Variants in RIC8B observed in about 807,000 individuals in gnomAD.
The protein encoded by RIC8B is chaperone Ric-8B.
A neutral mutation model predicts 57.5 loss-of-function variants in RIC8B; 16 were observed. That is an observed-to-expected ratio of 0.28 (90% CI 0.19 to 0.42). The LOEUF (loss-of-function observed/expected upper bound fraction) is 0.42. RIC8B is among the 10% of genes least tolerant of loss of function. The pLI is 1.00. For synonymous variants in RIC8B, 216 were observed against 250.8 expected (o/e 0.86, Z 1.31); for missense variants, 481 against 677.0 (o/e 0.71, Z 3.21).
At chr12:106,861,504 A>C (rs989401699) in intron 8 of RIC8B, among the ~76,000 whole-genome samples, 3 of 151,954 alleles carry the variant, frequency 2.0e-5, no homozygotes, top group Admixed American at 2.0e-4. Context: ...CAGCCTTAGT[A>C]GGATCTTATA....
At chr12:106,865,790 C>T (rs1303076781) in intron 8 of RIC8B, among the ~76,000 whole-genome samples, 1 of 152,102 alleles carries the variant, frequency 6.6e-6, no homozygotes, top group Admixed American at 6.5e-5. Context: ...ACTGTTCAGA[C>T]GTCCTCGCAG....
chr12:106,855,832 A>G (rs113992083), intron 7 of RIC8B, among the ~76,000 whole-genome samples: 2,604 of 151,980 alleles, frequency 0.017, 80 homozygotes, highest in African/African-American at 0.059. Flanking sequence ...TTTAGCCCCA[A>G]CCTTTCTTCT....
Position 106,871,779 on chromosome 12 carries a change from T to C in RIC8B, c.1571+837T>C, listed in dbSNP as rs962670269. Among the ~76,000 whole-genome samples, 5 of 152,126 alleles carry C rather than the reference T, an allele frequency of 3.3e-5. No individual in the cohort carries two copies. The South Asian group carries it at 6.2e-4, about 19-fold the overall frequency. On this transcript the variant is annotated intron_variant, in intron 9 of 9. Coordinates refer to ENST00000392837, the MANE Select transcript of RIC8B (RefSeq NM_001330145.2). ...TGGCCATCCCCTTTTTCACAGTAAC[T>C]GTGTAAAGGCTAGTATCCCTCAGTC...
At chr12:106,819,813 CTTATATA>C (rs1377507855) in intron 3 of RIC8B, among the ~76,000 whole-genome samples, 2 of 147,156 alleles carry the variant, frequency 1.4e-5, no homozygotes, top group East Asian at 2.0e-4. Flanking sequence ...ATATAAAATA[CTTATATA>C]TTATATACTT....
intron 6 of RIC8B, among the ~76,000 whole-genome samples, chr12:106,846,762 A>AT (rs1949209999): frequency 6.6e-6 from 1 of 151,906 alleles, no homozygotes; most frequent in African/African-American, 2.4e-5. Context: ...ATACTTCTTA[A>AT]TATGAAGGCC....
At chr12:106,844,485 A>C (rs1486199785) in intron 6 of RIC8B, among the ~76,000 whole-genome samples, 1 of 152,230 alleles carries the variant, frequency 6.6e-6, no homozygotes, top group Non-Finnish European at 1.5e-5. Context: ...ACTAGGCCAC[A>C]ATATGCAAGG....
At chr12:106,849,684 A>G (rs911860472) in intron 6 of RIC8B, among the ~76,000 whole-genome samples, 2 of 152,108 alleles carry the variant, frequency 1.3e-5, no homozygotes, top group African/African-American at 2.4e-5. Flanking sequence ...GGACACTTTA[A>G]TATGCTCTGT....
chr12:106,843,057 A>G (rs1320524941), intron 5 of RIC8B, among the ~76,000 whole-genome samples: 3 of 152,204 alleles, frequency 2.0e-5, no homozygotes, highest in South Asian at 2.1e-4. Flanking sequence ...CAAAATTATG[A>G]CTAGTGCTTG....
chr12:106,837,013 C>T (rs2046630845), intron 4 of RIC8B, among the ~76,000 whole-genome samples: 1 of 152,184 alleles, frequency 6.6e-6, no homozygotes, highest in Admixed American at 6.5e-5. Flanking sequence ...CTCTCTAATC[C>T]CTTCAAGTCA....
chr12:106,851,499 C>T lies in RIC8B; in HGVS notation c.1211C>T (p.Thr404Ile). The change falls in exon 7 of 10, where the codon ACT (threonine) becomes ATT (isoleucine). Residue 404 changes from threonine (T) to isoleucine (I), a missense_variant. Around this residue, in one of 3 missense-constraint regions of RIC8B, gnomAD observed 421 missense variants for 560.9 expected, o/e 0.75. Coordinates refer to ENST00000392837, the MANE Select transcript of RIC8B (RefSeq NM_001330145.2). ...ACAAATCGACCTGAAGTTGGCTCAA[C>T]TGTGAGAAATAAGCTGGTGCGCCTC... is the stretch of plus-strand genomic sequence containing the variant. ...DVTNRPEVGS[T>I]VRNKLVRLMT... is the part of the protein sequence containing the mutation. 2 of 1,613,742 alleles carry T rather than the reference C, an allele frequency of 1.2e-6. No homozygotes were observed. Among genetic ancestry groups the T allele is most frequent in the Non-Finnish European group, 8.5e-7 (1 of 1,179,876 alleles).
Position 106,805,922 on chromosome 12 carries a change from C to T in RIC8B, c.133-8774C>T, listed in dbSNP as rs899106134. ...CTCTCTTTTTCACCTCCCAGTTACTCTTCAGAAACTGTTTTTTTGTGTTTG... is the reference window on the plus strand; with the variant it reads ...CTCTCTTTTTCACCTCCCAGTTACTTTTCAGAAACTGTTTTTTTGTGTTTG... On this transcript the variant is annotated intron_variant, in intron 2 of 9. Transcript: ENST00000392837. 4.6e-5 allele frequency among the ~76,000 whole-genome samples: 7 copies of T among 152,090 alleles called. No individual in the cohort carries two copies. The South Asian group carries it at 1.5e-3, about 32-fold the overall frequency.
intron 5 of RIC8B, among the ~76,000 whole-genome samples, chr12:106,843,402 T>C (rs993004771): frequency 6.6e-6 from 1 of 152,140 alleles, no homozygotes; most frequent in Non-Finnish European, 1.5e-5. Flanking sequence ...AAAAAGGCAA[T>C]AGTAAACATG....
At chr12:106,825,519 T>G (rs1179275672) in intron 3 of RIC8B, among the ~76,000 whole-genome samples, 1 of 152,168 alleles carries the variant, frequency 6.6e-6, no homozygotes, top group African/African-American at 2.4e-5. Context: ...AGTGGCTAGG[T>G]CAGCATTTCT....
intron 2 of RIC8B, among the ~76,000 whole-genome samples, chr12:106,791,928 A>G (rs1227767165): frequency 2.0e-5 from 3 of 152,152 alleles, no homozygotes; most frequent in Non-Finnish European, 4.4e-5. Flanking sequence ...CTTTGTCCTT[A>G]TTTTGGTCAT....
At chr12:106,814,432 GC>G (rs554816962) in intron 2 of RIC8B, among the ~76,000 whole-genome samples, 46 of 152,232 alleles carry the variant, frequency 3.0e-4, no homozygotes, top group African/African-American at 1.1e-3. Context: ...TTTTGCAAGA[GC>G]CTGTACTCTG....
intron 2 of RIC8B, among the ~76,000 whole-genome samples, chr12:106,792,224 G>A (rs925806799): frequency 5.3e-5 from 8 of 152,178 alleles, no homozygotes; most frequent in African/African-American, 1.9e-4. Context: ...AGGGCAGGAT[G>A]AATGCTTCAC....
In RIC8B at chr12:106,815,226, T is replaced by C. The variant is rs753291543; in HGVS notation, c.663T>C (p.Pro221=). 6.2e-7 allele frequency: 1 copy of C among 1,614,126 alleles called. No individual in the cohort carries two copies. Among genetic ancestry groups the C allele is most frequent in the Non-Finnish European group, 8.5e-7 (1 of 1,179,978 alleles). Residue 221 remains proline, a synonymous_variant, in exon 3 of 10, where the codon CCT becomes CCC. Coordinates refer to ENST00000392837, the MANE Select transcript of RIC8B (RefSeq NM_001330145.2). ...ACCATAATGGACCTCCTCTCTCACC[T>C]CAGGAGACAGACTGTGCCATTGAGG... is the stretch of plus-strand genomic sequence containing the variant. ...AIDHNGPPLS[P]QETDCAIEAL...
At chr12:106,795,531 T>C (rs1238454407) in intron 2 of RIC8B, among the ~76,000 whole-genome samples, 1 of 152,158 alleles carries the variant, frequency 6.6e-6, no homozygotes, top group Non-Finnish European at 1.5e-5. Context: ...AGGTATGATG[T>C]TTACATAGCG....
intron 9 of RIC8B, among the ~76,000 whole-genome samples, chr12:106,877,019 C>T (rs1280615897): frequency 2.6e-5 from 4 of 152,018 alleles, no homozygotes; most frequent in Non-Finnish European, 4.4e-5. Context: ...TAGTACTATA[C>T]CTGATCTCTT....
Sources: allele counts gnomAD v4.1 joint callset (sites outside exome capture counted in the v4.1 genomes callset), GRCh38; gene constraint gnomAD v4.1.1; regional missense constraint gnomAD v4.1.1; transcripts MANE v1.5; gene names NCBI Gene and HGNC (gene_info 2026-07-23, HGNC 2026-07-21).